The following FKTN variants were observed in gnomAD, a reference collection of about 807,000 sequenced individuals.
FKTN encodes the protein fukutin, also known as ribitol-5-phosphate transferase FKTN.
In FKTN, 47 loss-of-function variants were observed where a neutral mutation model predicts 58.6. That is an observed-to-expected ratio of 0.80 (90% CI 0.63 to 1.02). The LOEUF (loss-of-function observed/expected upper bound fraction) is 1.02. Among genes scored for constraint, FKTN ranks in the 50% least tolerant of loss-of-function variants. The pLI is 0.00. For synonymous variants in FKTN, 178 were observed against 191.9 expected (o/e 0.93, Z 0.60); for missense variants, 516 against 537.3 (o/e 0.96, Z 0.39).
chr9:105,635,463 T>C lies in FKTN; in HGVS notation c.*199T>C, dbSNP rs1213588886. 15 of 1,438,906 alleles carry C rather than the reference T, an allele frequency of 1.0e-5. No individual in the cohort carries two copies. Among genetic ancestry groups the C allele is most frequent in the Non-Finnish European group, 1.4e-5 (15 of 1,103,410 alleles). 89.1% of individuals were successfully genotyped at this position (1,438,906 alleles called of 1,614,324 possible). ...TCATGTGCCACATACAATGCTAGGT[T>C]ACAGTGGAGAAGCCTAGATGAATGA... On this transcript the variant is annotated 3_prime_UTR_variant, in exon 11 of 11. Transcript: ENST00000357998.
chr9:105,616,171 T>C (rs1302284293), intron 8 of FKTN, among the ~76,000 whole-genome samples: 1 of 152,242 alleles, frequency 6.6e-6, no homozygotes, highest in African/African-American at 2.4e-5. Flanking sequence ...TAACTGAAAC[T>C]GCTAAAAGCA....
intron 10 of FKTN, among the ~76,000 whole-genome samples, chr9:105,632,674 G>GA (rs1013954378): frequency 7.3e-5 from 11 of 151,708 alleles, no homozygotes; most frequent in Non-Finnish European, 1.5e-4. Context: ...ATCTGTGAGG[G>GA]AAAAAAATGG....
chr9:105,629,301 A>T (rs1833115519), intron 10 of FKTN, among the ~76,000 whole-genome samples: 1 of 152,236 alleles, frequency 6.6e-6, no homozygotes, highest in Non-Finnish European at 1.5e-5. Context: ...TCACAGGTTG[A>T]AACAGAGGGA....
At chr9:105,587,932 G>C (rs1306969998) in intron 3 of FKTN, among the ~76,000 whole-genome samples, 2 of 152,186 alleles carry the variant, frequency 1.3e-5, no homozygotes, top group Admixed American at 1.3e-4. Context: ...GAAGTGGAAG[G>C]CTATCTGGAG....
intron 3 of FKTN, among the ~76,000 whole-genome samples, chr9:105,581,775 G>T (rs943413520): frequency 6.6e-6 from 1 of 152,150 alleles, no homozygotes; most frequent in Non-Finnish European, 1.5e-5. Flanking sequence ...CCTCGCTGCC[G>T]CCTTGCAGTT....
At chr9:105,582,983 G>A (rs983842192) in intron 3 of FKTN, among the ~76,000 whole-genome samples, 3 of 152,174 alleles carry the variant, frequency 2.0e-5, no homozygotes, top group African/African-American at 7.2e-5. Context: ...TACAGTCAAG[G>A]CTAGAAGGAA....
At chr9:105,574,844 G>T in intron 2 of FKTN, 101 bp from the exon 3 acceptor site, 1 of 572,896 alleles carries the variant, frequency 1.7e-6, no homozygotes, top group South Asian at 2.1e-5. Context: ...ATCAAAGAAT[G>T]CCTGTGGAAA....
rs1830612822 is a variant in FKTN at position 105,615,261 on chromosome 9, A to G, written c.781-17A>G. 6.2e-7 allele frequency: 1 copy of G among 1,613,206 alleles called. No individual in the cohort carries two copies. The highest frequency in any genetic ancestry group is 8.5e-7 in the Non-Finnish European group (1 of 1,179,208). ...TTAGAAATGGCTGTAATAGCTGACTATTTATTATATCTGTAGCAGTACCTT... is the reference window on the plus strand; with the variant it reads ...TTAGAAATGGCTGTAATAGCTGACTGTTTATTATATCTGTAGCAGTACCTT... On this transcript the variant is annotated splice_polypyrimidine_tract_variant and intron_variant, in intron 7 of 10. Coordinates refer to ENST00000357998, the MANE Select transcript of FKTN (RefSeq NM_001079802.2).
chr9:105,561,570 T>A (rs1365316054), intron 1 of FKTN, among the ~76,000 whole-genome samples: 9 of 152,312 alleles, frequency 5.9e-5, no homozygotes, highest in African/African-American at 2.2e-4. Flanking sequence ...CCACTATCTT[T>A]CCAAAACCCT....
intron 7 of FKTN, among the ~76,000 whole-genome samples, chr9:105,608,836 G>A (rs1235779461): frequency 1.3e-5 from 2 of 151,366 alleles, no homozygotes; most frequent in African/African-American, 4.9e-5. Flanking sequence ...CCAGCCTCAT[G>A]AATAAAAAGC....
At chr9:105,606,482 C>A (rs1174018610) in intron 6 of FKTN, among the ~76,000 whole-genome samples, 1 of 151,602 alleles carries the variant, frequency 6.6e-6, no homozygotes, top group African/African-American at 2.4e-5. Flanking sequence ...TAGAATTGTT[C>A]CTTTTATTCT....
intron 3 of FKTN, among the ~76,000 whole-genome samples, chr9:105,575,849 GGAGTATACT>G (rs1248399802): frequency 3.3e-5 from 5 of 152,148 alleles, no homozygotes; most frequent in Non-Finnish European, 5.9e-5. Context: ...CAACTAGAAT[GGAGTATACT>G]TCCCTGCCTT....
intron 1 of FKTN, 31 bp downstream of exon 1, chr9:105,558,196 G>C (rs930556413): frequency 2.6e-5 from 4 of 152,266 alleles, no homozygotes; most frequent in African/African-American, 7.2e-5. Flanking sequence ...GTCGGTACCC[G>C]GGGATGGGTG....
intron 7 of FKTN, among the ~76,000 whole-genome samples, chr9:105,612,036 T>C (rs948836775): frequency 2.0e-5 from 3 of 151,950 alleles, no homozygotes; most frequent in Non-Finnish European, 4.4e-5. Context: ...TTTATTTTAT[T>C]TTATTTTATT....
At chr9:105,569,362 T>C (rs1840323570) in intron 1 of FKTN, among the ~76,000 whole-genome samples, 1 of 152,190 alleles carries the variant, frequency 6.6e-6, no homozygotes, top group Non-Finnish European at 1.5e-5. Context: ...GAGAATTATC[T>C]TGAACTCCAA....
intron 10 of FKTN, among the ~76,000 whole-genome samples, chr9:105,625,372 A>G (rs1832624346): frequency 6.6e-6 from 1 of 152,214 alleles, no homozygotes; most frequent in African/African-American, 2.4e-5. Context: ...TGTAAAGATG[A>G]TATTTGGCAA....
chr9:105,566,324 A>G (rs1839602552), intron 1 of FKTN, among the ~76,000 whole-genome samples: 3 of 152,178 alleles, frequency 2.0e-5, no homozygotes, highest in Admixed American at 1.3e-4. Flanking sequence ...GGAGATACAG[A>G]CACAAAAAAC....
intron 10 of FKTN, chr9:105,633,448 T>C (rs1315199046): frequency 2.0e-5 from 3 of 152,214 alleles, no homozygotes; most frequent in Non-Finnish European, 4.4e-5. Context: ...TTCAACTTCA[T>C]TGTGTCAACT....
chr9:105,588,360 AT>A (rs150925542), intron 3 of FKTN, among the ~76,000 whole-genome samples: 1,892 of 151,744 alleles, frequency 0.012, 55 homozygotes, highest in African/African-American at 0.044. Flanking sequence ...GTGTCAGAAT[AT>A]TTTTTTTTAA....
Sources: allele counts gnomAD v4.1 joint callset (sites outside exome capture counted in the v4.1 genomes callset), GRCh38; gene constraint gnomAD v4.1.1; transcripts MANE v1.5; gene names NCBI Gene and HGNC (gene_info 2026-07-23, HGNC 2026-07-21).